VBP1: variants seen among roughly 807,000 people sequenced by gnomAD.
VBP1 encodes VHL binding protein 1, also known as prefoldin subunit 3.
A neutral mutation model predicts 15.5 loss-of-function variants in VBP1; 4 were observed. That is an observed-to-expected ratio of 0.26 (90% CI 0.13 to 0.59). The LOEUF is 0.59. VBP1 is among the 20% of genes least tolerant of loss of function. VBP1 has a pLI of 0.90. For missense variants in VBP1, 108 were observed against 139.6 expected (o/e 0.77, Z 1.14); for synonymous variants, 61 against 52.1 (o/e 1.17, Z -0.74).
intron 2 of VBP1, among the ~76,000 whole-genome samples, chrX:155,211,024 A>G (rs1428175258): frequency 7.1e-5 from 8 of 112,039 alleles, no homozygotes. Flanking sequence ...TTTTCTAGAG[A>G]TTAGCAATTC....
In VBP1 at chrX:155,223,059, C is replaced by T. The variant is rs72616493; in HGVS notation, c.218+2752C>T. On this transcript the variant is annotated intron_variant, in intron 2 of 5. Transcript: ENST00000286428. Reference sequence around the variant, plus strand: ...CTATGCAACAAAACTATTTTTGTGTCATGATCTAGTTGTTTTGCAGCAGAT... The same window carrying T: ...CTATGCAACAAAACTATTTTTGTGTTATGATCTAGTTGTTTTGCAGCAGAT... Among the ~76,000 whole-genome samples the T allele has an allele frequency of 2.5e-3, 263 of 105,384 alleles. 6 individuals are homozygous for T. In the East Asian group the frequency reaches 0.072, roughly 29 times the overall value. 91.5% of individuals were successfully genotyped at this position (105,384 alleles called of 115,157 possible).
At chrX:155,203,549 G>C (rs782317010) in intron 1 of VBP1, among the ~76,000 whole-genome samples, 67 of 95,273 alleles carry the variant, frequency 7.0e-4, no homozygotes, top group Non-Finnish European at 1.3e-3. Context: ...TCATAGGTGG[G>C]AATTGAACAA....
At chrX:155,229,574 C>G (rs1197254958) in intron 4 of VBP1, among the ~76,000 whole-genome samples, 1 of 112,206 alleles carries the variant, frequency 8.9e-6, no homozygotes, top group Non-Finnish European at 1.9e-5. Context: ...TTTCCTCTGG[C>G]TGCTTCCCCA....
At chrX:155,220,047 C>G (rs1367769700) in intron 1 of VBP1, 136 bp from the exon 2 acceptor site, 1 of 528,896 alleles carries the variant, frequency 1.9e-6, no homozygotes, top group African/African-American at 2.5e-5. Flanking sequence ...GGTGCTTAAC[C>G]TGTACTTTTA....
intron 4 of VBP1, among the ~76,000 whole-genome samples, chrX:155,234,174 G>T (rs899318338): frequency 1.1e-5 from 1 of 91,643 alleles, no homozygotes; most frequent in Non-Finnish European, 2.1e-5. Flanking sequence ...GGGCTGGAGC[G>T]CAGTGACGTG....
chrX:155,217,342 A>T (rs782705654), intron 1 of VBP1, among the ~76,000 whole-genome samples: 27 of 112,211 alleles, frequency 2.4e-4, no homozygotes, highest in South Asian at 7.4e-4. Flanking sequence ...GGCTTTTTAA[A>T]AATTTTATTT....
intron 2 of VBP1, among the ~76,000 whole-genome samples, chrX:155,221,508 A>G (rs907473116): frequency 5.4e-5 from 6 of 111,595 alleles, no homozygotes; most frequent in African/African-American, 2.0e-4. Context: ...CTAAAAAGCA[A>G]ACAAACCACA....
At chrX:155,203,084 G>T (rs1332450943) in intron 1 of VBP1, among the ~76,000 whole-genome samples, 2 of 111,937 alleles carry the variant, frequency 1.8e-5, no homozygotes, top group African/African-American at 3.3e-5. Flanking sequence ...CAGTTAGAAT[G>T]GCGATCATTA....
At chrX:155,206,627 T>G (rs1357510507) in intron 1 of VBP1, among the ~76,000 whole-genome samples, 2 of 108,923 alleles carry the variant, frequency 1.8e-5, no homozygotes, top group East Asian at 5.8e-4. Context: ...GAAGTAAGAG[T>G]GTGCTGAGAG....
chrX:155,223,198 C>CTCTT (rs1306148809), intron 2 of VBP1, among the ~76,000 whole-genome samples: 4 of 85,273 alleles, frequency 4.7e-5, no homozygotes, highest in African/African-American at 9.2e-5. Context: ...CTATTTCTTT[C>CTCTT]TTTTTTTAAT....
chrX:155,219,016 C>G (rs782134377), intron 1 of VBP1, among the ~76,000 whole-genome samples: 51 of 112,247 alleles, frequency 4.5e-4, no homozygotes, highest in Non-Finnish European at 8.8e-4. Flanking sequence ...GATGGCATCT[C>G]TCTTTAACAT....
intron 4 of VBP1, among the ~76,000 whole-genome samples, chrX:155,235,942 G>A (rs1169695809): frequency 1.8e-5 from 2 of 112,174 alleles, no homozygotes; most frequent in Non-Finnish European, 3.8e-5. Flanking sequence ...ATGATACAAT[G>A]TATGTAAATA....
At chrX:155,222,492 G>A (rs2124074662) in intron 2 of VBP1, among the ~76,000 whole-genome samples, 1 of 111,490 alleles carries the variant, frequency 9.0e-6, no homozygotes. Context: ...AAGAAAAAAA[G>A]GAAAAGAAAA....
At chrX:155,199,756 C>A (rs1185055873) in intron 1 of VBP1, among the ~76,000 whole-genome samples, 5 of 111,655 alleles carry the variant, frequency 4.5e-5, no homozygotes, top group Non-Finnish European at 7.5e-5. Flanking sequence ...TCACACATAA[C>A]AGTATCAACC....
At chrX:155,209,024 G>A in intron 2 of VBP1, 1 of 1,088,892 alleles carries the variant, frequency 9.2e-7, no homozygotes, top group Non-Finnish European at 1.2e-6. Flanking sequence ...GCAGAGATAG[G>A]CAGTCACTGG....
chrX:155,206,942 A>T, intron 1 of VBP1, among the ~76,000 whole-genome samples: 1 of 111,214 alleles, frequency 9.0e-6, no homozygotes, highest in East Asian at 2.8e-4. Context: ...GTGTGCATGC[A>T]TGTTAGAACT....
At chrX:155,220,337 A>G (rs1461672682) in intron 2 of VBP1, 30 bp downstream of exon 2, 3 of 1,099,620 alleles carry the variant, frequency 2.7e-6, no homozygotes, top group South Asian at 4.5e-5. Context: ...AGTTTTGAAA[A>G]TCTTATATGA....
chrX:155,233,875 T>C (rs1326440278), intron 4 of VBP1, among the ~76,000 whole-genome samples: 4 of 110,793 alleles, frequency 3.6e-5, no homozygotes, highest in African/African-American at 1.3e-4. Flanking sequence ...TACTTTTCTA[T>C]ATGTATATAA....
rs111559135 is a variant in VBP1, at chrX:155,236,174, A to T, written c.385-55A>T. On this transcript the variant is annotated intron_variant, in intron 4 of 5. Transcript: ENST00000286428. ...CTGTAGTTTGCCCACACTTTACTCT[A>T]ACCTATAAAGCTCTGTGTAAATATT... 55 of 1,151,961 alleles carry T rather than the reference A, an allele frequency of 4.8e-5. 3 individuals carry two copies. The highest frequency in any genetic ancestry group is 3.1e-4 in the African/African-American group (17 of 55,297). The allele number at this position is 1,151,961 out of a possible 1,213,427, so 94.9% of individuals were successfully genotyped here.
Sources: gnomAD v4.1 joint callset for allele counts (sites outside exome capture counted in the v4.1 genomes callset) on GRCh38, gnomAD v4.1.1 for gene constraint, MANE v1.5 for transcripts, NCBI Gene and HGNC (gene_info 2026-07-23, HGNC 2026-07-21) for gene names.